FGF13: variants seen among roughly 807,000 people sequenced by gnomAD.
FGF13 encodes the protein fibroblast growth factor homologous factor 2.
In FGF13, 2 loss-of-function variants were observed where a neutral mutation model predicts 19.5. The observed-to-expected ratio is 0.10, with a 90% CI of 0.04 to 0.32. The LOEUF is 0.32. Ranked by LOEUF, FGF13 falls within the 10% of genes least tolerant of loss-of-function variation. The pLI is 1.00. For synonymous variants in FGF13, 72 were observed against 76.9 expected, an observed-to-expected ratio of 0.94 and a Z score of 0.33; for missense variants, 113 against 192.7, an observed-to-expected ratio of 0.59 and a Z score of 2.45.
intron 1 of FGF13, among the ~76,000 whole-genome samples, chrX:138,939,852 C>T (rs1014422533): frequency 7.2e-5 from 8 of 111,644 alleles, no homozygotes; most frequent in Non-Finnish European, 1.5e-4. Flanking sequence ...CATGTCTTTG[C>T]TCTTGTGAAT....
chrX:138,908,737 G>A (rs1489485213), intron 1 of FGF13, among the ~76,000 whole-genome samples: 2 of 112,123 alleles, frequency 1.8e-5, no homozygotes, highest in African/African-American at 6.5e-5. Context: ...CTGACTGCCA[G>A]TCTGAGAGCT....
chrX:138,993,815 A>G (rs187744503), intron 1 of FGF13, among the ~76,000 whole-genome samples: 1 of 111,634 alleles, frequency 9.0e-6, no homozygotes, highest in African/African-American at 3.3e-5. Flanking sequence ...TAAGTGACAC[A>G]CTGTGTTGTC....
chrX:138,693,517 T>A (rs886921322), intron 3 of FGF13, among the ~76,000 whole-genome samples: 1 of 111,774 alleles, frequency 8.9e-6, no homozygotes, highest in African/African-American at 3.3e-5. Context: ...ATATATGTGT[T>A]TGTATAATTA....
In FGF13 at chrX:138,616,895, T is replaced by C. The variant is rs755305538; in HGVS notation, c.*15955A>G. 1 of 112,043 alleles carries C rather than the reference T, an allele frequency of 8.9e-6. No individual in the cohort carries two copies. Among genetic ancestry groups the C allele is most frequent in the South Asian group, 3.7e-4 (1 of 2,685 alleles). 9.2% of individuals were successfully genotyped at this position (112,043 alleles called of 1,213,427 possible). On this transcript the variant is annotated 3_prime_UTR_variant, in exon 5 of 5. Coordinates refer to ENST00000315930, the MANE Select transcript of FGF13 (RefSeq NM_004114.5). ...GCCTGAGCTGTATGTTGGCCCCTTT[T>C]AGCCACAGCTGAAGCTGAAGCAGCT...
At chrX:138,924,770 G>A (rs1022634636) in intron 1 of FGF13, among the ~76,000 whole-genome samples, 1 of 108,514 alleles carries the variant, frequency 9.2e-6, no homozygotes, top group Non-Finnish European at 1.9e-5. Flanking sequence ...GAAGGAAACC[G>A]TAAGGGACAT....
chrX:139,051,784 T>C (rs753204603), intron 1 of FGF13, among the ~76,000 whole-genome samples: 107 of 112,408 alleles, frequency 9.5e-4, no homozygotes, highest in Non-Finnish European at 1.7e-3. Context: ...CTACAAAATA[T>C]GAATTAGCAC....
chrX:138,991,007 G>T (rs968580239), intron 1 of FGF13, among the ~76,000 whole-genome samples: 3 of 111,930 alleles, frequency 2.7e-5, no homozygotes, highest in Non-Finnish European at 5.6e-5. Flanking sequence ...CTTGTGCACT[G>T]TGCAACCACA....
intron 3 of FGF13, among the ~76,000 whole-genome samples, chrX:138,678,237 G>C (rs2089692603): frequency 9.1e-6 from 1 of 110,474 alleles, no homozygotes; most frequent in African/African-American, 3.3e-5. Context: ...AGAGTGGGGA[G>C]GGATAGCACT....
intron 1 of FGF13, among the ~76,000 whole-genome samples, chrX:138,905,104 T>C (rs1413936446): frequency 1.8e-5 from 2 of 111,346 alleles, no homozygotes; most frequent in African/African-American, 6.5e-5. Context: ...TATGTCCAGA[T>C]TGGGTTGAGT....
In FGF13 at chrX:138,851,382, C is replaced by T. The variant is rs188318506; in HGVS notation, c.217+6130G>A. On this transcript the variant is annotated intron_variant, in intron 3 of 6. Coordinates refer to the FGF13 transcript ENST00000436198. Reference sequence around the variant, plus strand: ...CAGTGGAAAAGCATTCCTATTTCTCCACAGCCTTACCACCATCTGTTGTTT... The same window carrying T: ...CAGTGGAAAAGCATTCCTATTTCTCTACAGCCTTACCACCATCTGTTGTTT... Among the ~76,000 whole-genome samples the T allele has an allele frequency of 4.5e-5, 5 of 111,737 alleles. No homozygotes were observed. In the East Asian group the frequency reaches 1.1e-3, roughly 25 times the overall value.
intron 1 of FGF13, among the ~76,000 whole-genome samples, chrX:139,098,253 G>A (rs1468275684): frequency 9.0e-6 from 1 of 111,419 alleles, no homozygotes; most frequent in East Asian, 2.9e-4. Flanking sequence ...ATCTGAATAG[G>A]GTAGCACATC....
chrX:138,754,739 C>T (rs2090421117), intron 3 of FGF13, among the ~76,000 whole-genome samples: 1 of 111,451 alleles, frequency 9.0e-6, no homozygotes, highest in Admixed American at 9.6e-5. Context: ...ACCTGTTTCC[C>T]TTCTGGGCAT....
intron 1 of FGF13, among the ~76,000 whole-genome samples, chrX:138,984,237 A>C (rs989511640): frequency 9.1e-6 from 1 of 109,741 alleles, no homozygotes; most frequent in Non-Finnish European, 1.9e-5. Flanking sequence ...GCAAAACCTC[A>C]TCTTTACTAA....
intron 1 of FGF13, among the ~76,000 whole-genome samples, chrX:138,709,488 A>T (rs1406735356): frequency 8.9e-6 from 1 of 111,926 alleles, no homozygotes; most frequent in African/African-American, 3.2e-5. Context: ...AAAAGGGAGG[A>T]GGGAGATACA....
At chrX:139,103,152 G>A (rs1191806927) in intron 1 of FGF13, among the ~76,000 whole-genome samples, 1 of 111,932 alleles carries the variant, frequency 8.9e-6, no homozygotes, top group Non-Finnish European at 1.9e-5. Context: ...AACCAGTGAT[G>A]ACTTCTAATT....
downstream of FGF13, among the ~76,000 whole-genome samples, chrX:138,855,093 G>A (rs1034672623): frequency 3.6e-5 from 4 of 111,208 alleles, no homozygotes; most frequent in Non-Finnish European, 7.5e-5. Context: ...TATAACTTAC[G>A]GCAATTAAAA....
chrX:138,984,863 G>C (rs1394614803), intron 1 of FGF13, among the ~76,000 whole-genome samples: 1 of 105,045 alleles, frequency 9.5e-6, no homozygotes. Flanking sequence ...TATTTTTTAA[G>C]AGCAATGAGG....
chrX:139,175,953 T>A (rs1327096806), intron 1 of FGF13, among the ~76,000 whole-genome samples: 1 of 111,869 alleles, frequency 8.9e-6, no homozygotes, highest in East Asian at 2.8e-4. Context: ...TTTCTATTGT[T>A]TGGAATAGTT....
At chrX:138,978,619 T>G (rs1216477501) in intron 1 of FGF13, among the ~76,000 whole-genome samples, 1 of 112,401 alleles carries the variant, frequency 8.9e-6, no homozygotes, top group African/African-American at 3.2e-5. Context: ...ATGATAACAA[T>G]AGTTAACATT....
Sources: gnomAD v4.1 joint callset for allele counts (sites outside exome capture counted in the v4.1 genomes callset) on GRCh38, gnomAD v4.1.1 for gene constraint, MANE v1.5 for transcripts, NCBI Gene and HGNC (gene_info 2026-07-23, HGNC 2026-07-21) for gene names.